NFKB1: variants seen among roughly 807,000 people sequenced by gnomAD.
NFKB1 encodes nuclear factor NF-kappa-B p105 subunit.
A neutral mutation model predicts 105.1 loss-of-function variants in NFKB1; 9 were observed. That is an observed-to-expected ratio of 0.09 (90% CI 0.05 to 0.15). The LOEUF (loss-of-function observed/expected upper bound fraction) is 0.15. NFKB1 is among the 10% of genes least tolerant of loss of function. The pLI, the probability that NFKB1 is intolerant of heterozygous loss-of-function variation, is 1.00. For missense variants in NFKB1, 830 were observed against 1,203.7 expected (o/e 0.69, Z 4.59); for synonymous variants, 440 against 442.2 (o/e 1.00, Z 0.06).
chr4:102,597,611 G>T lies in NFKB1; in HGVS notation c.1587G>T (p.Leu529=), dbSNP rs773431501. ...DYAVTGDVKM[L]LAVQRHLTAV... The stretch of plus-strand genomic sequence containing the variant: ...CGGTGACAGGAGACGTGAAGATGCT[G>T]CTGGCCGTCCAGCGCCATCTCACTG... The change falls in exon 15 of 24, where the codon CTG becomes CTT. Residue 529 remains leucine, a synonymous_variant. Transcript: ENST00000226574. 3 of 1,613,870 alleles carry T rather than the reference G, an allele frequency of 1.9e-6. No homozygotes were observed. The highest frequency in any genetic ancestry group is 2.2e-5 in the South Asian group (2 of 90,986).
intron 1 of NFKB1, among the ~76,000 whole-genome samples, chr4:102,502,736 C>T (rs1053275334): frequency 1.3e-5 from 2 of 152,152 alleles, no homozygotes; most frequent in African/African-American, 4.8e-5. Flanking sequence ...TCAAGATTGA[C>T]ATGTTCATGG....
intron 8 of NFKB1, among the ~76,000 whole-genome samples, chr4:102,580,231 G>A (rs1405056795): frequency 6.6e-6 from 1 of 152,174 alleles, no homozygotes; most frequent in African/African-American, 2.4e-5. Flanking sequence ...AAATCAATTA[G>A]CTTGGTACTT....
At chr4:102,590,285 A>T (rs879928541) in intron 11 of NFKB1, among the ~76,000 whole-genome samples, 1 of 152,214 alleles carries the variant, frequency 6.6e-6, no homozygotes, top group Non-Finnish European at 1.5e-5. Flanking sequence ...AAAAACATTC[A>T]GCAGCTTTCT....
rs1039861548 is a variant in NFKB1 at position 102,534,656 on chromosome 4, C to T, written c.159+771C>T. Among the ~76,000 whole-genome samples the T allele has an allele frequency of 5.3e-5, 8 of 152,088 alleles. 1 individual carries two copies. Among genetic ancestry groups the T allele is most frequent in the Admixed American group, 5.2e-4 (8 of 15,246 alleles). On this transcript the variant is annotated intron_variant, in intron 4 of 23. Coordinates refer to ENST00000226574, the MANE Select transcript of NFKB1 (RefSeq NM_003998.4). The stretch of plus-strand genomic sequence containing the variant: ...GGGAATGGAAATAATGGTGTAGTTC[C>T]CCACAGAATGAGGACAGTCAGTAAA...
chr4:102,601,337 A>G (rs1727124582), intron 16 of NFKB1, among the ~76,000 whole-genome samples: 1 of 134,066 alleles, frequency 7.5e-6, no homozygotes, highest in Non-Finnish European at 1.7e-5. Context: ...AAGAAAAATA[A>G]AGTTAAAAAA....
At chr4:102,539,629 A>G (rs933162823) in intron 5 of NFKB1, among the ~76,000 whole-genome samples, 44 of 152,196 alleles carry the variant, frequency 2.9e-4, no homozygotes, top group African/African-American at 1.1e-3. Context: ...ATTTGCACTT[A>G]TTAAACACCA....
intron 2 of NFKB1, among the ~76,000 whole-genome samples, chr4:102,529,191 G>A (rs1179167462): frequency 2.6e-5 from 4 of 152,046 alleles, no homozygotes; most frequent in African/African-American, 2.4e-5. Flanking sequence ...ATGTTTAGGG[G>A]GTCGTTATTC....
intron 6 of NFKB1, among the ~76,000 whole-genome samples, chr4:102,571,211 C>G (rs1724321552): frequency 6.6e-6 from 1 of 152,122 alleles, no homozygotes; most frequent in African/African-American, 2.4e-5. Context: ...TTTGACAAAC[C>G]TGACAAAAAC....
chr4:102,592,973 G>A (rs3774961), intron 11 of NFKB1, among the ~76,000 whole-genome samples: 2 of 152,184 alleles, frequency 1.3e-5, no homozygotes, highest in East Asian at 3.9e-4. Flanking sequence ...TATGTTGGAG[G>A]GTTCTTGGCA....
At chr4:102,506,053 G>A (rs1166700565) in intron 1 of NFKB1, among the ~76,000 whole-genome samples, 3 of 152,130 alleles carry the variant, frequency 2.0e-5, no homozygotes, top group South Asian at 2.1e-4. Context: ...AGTATCTGGC[G>A]CCTTCCAAAA....
intron 5 of NFKB1, among the ~76,000 whole-genome samples, chr4:102,547,102 A>C (rs1449549556): frequency 1.3e-5 from 2 of 152,234 alleles, no homozygotes; most frequent in Non-Finnish European, 1.5e-5. Flanking sequence ...AAGAACTGGC[A>C]GAACAATGAA....
Position 102,507,512 on chromosome 4 carries a change from G to T in NFKB1, c.-8+5724G>T, listed in dbSNP as rs140069819. The stretch of plus-strand genomic sequence containing the variant: ...AGATGGGATTTTGCTCTGTTGGCCA[G>T]GCTGGTCTCAAACTCCTGACCTCAA... On this transcript the variant is annotated intron_variant, in intron 1 of 23. Transcript: ENST00000226574. 2.0e-5 allele frequency among the ~76,000 whole-genome samples: 3 copies of T among 151,556 alleles called. No individual in the cohort carries two copies. The East Asian group carries it at 5.8e-4, about 29-fold the overall frequency.
chr4:102,563,585 C>CGTAA (rs757439860), intron 5 of NFKB1, among the ~76,000 whole-genome samples: 18 of 152,248 alleles, frequency 1.2e-4, no homozygotes, highest in Admixed American at 8.5e-4. Context: ...AAAGGCTTTA[C>CGTAA]ATGCATTAAT....
At chr4:102,576,780 A>T in intron 6 of NFKB1, 96 bp from the exon 7 acceptor site, 1 of 1,253,330 alleles carries the variant, frequency 8.0e-7, no homozygotes, top group Non-Finnish European at 1.1e-6. Flanking sequence ...GGGCCTGTGT[A>T]TTTTTTTTTA....
chr4:102,588,889 T>C (rs1725943085), intron 11 of NFKB1, among the ~76,000 whole-genome samples: 1 of 152,186 alleles, frequency 6.6e-6, no homozygotes, highest in Non-Finnish European at 1.5e-5. Context: ...GGAGAACTTG[T>C]AGTAAGTGGC....
At chr4:102,604,863 G>A (rs1727551037) in intron 16 of NFKB1, among the ~76,000 whole-genome samples, 1 of 151,700 alleles carries the variant, frequency 6.6e-6, no homozygotes, top group Non-Finnish European at 1.5e-5. Context: ...AAGTCCCCAT[G>A]CCCACAGCCA....
At chr4:102,586,540 T>C (rs1725726452) in intron 11 of NFKB1, among the ~76,000 whole-genome samples, 1 of 152,178 alleles carries the variant, frequency 6.6e-6, no homozygotes, top group Non-Finnish European at 1.5e-5. Context: ...GAGTCATCAT[T>C]CAAAGGTATT....
intron 6 of NFKB1, among the ~76,000 whole-genome samples, chr4:102,575,884 T>C (rs926914866): frequency 3.3e-5 from 5 of 152,348 alleles, no homozygotes; most frequent in East Asian, 1.9e-4. Context: ...TCAGTGAAGG[T>C]AGAGATTCTT....
At chr4:102,603,745 A>G (rs1191808949) in intron 16 of NFKB1, among the ~76,000 whole-genome samples, 1 of 152,248 alleles carries the variant, frequency 6.6e-6, no homozygotes, top group Non-Finnish European at 1.5e-5. Context: ...GGATTATTTG[A>G]CAGTTAAGCA....
Sources: allele counts gnomAD v4.1 joint callset (sites outside exome capture counted in the v4.1 genomes callset), GRCh38; gene constraint gnomAD v4.1.1; transcripts MANE v1.5; gene names NCBI Gene and HGNC (gene_info 2026-07-23, HGNC 2026-07-21).